ANO3: variants seen among roughly 807,000 people sequenced by gnomAD.
ANO3 encodes the protein anoctamin-3.
A neutral mutation model predicts 144.8 loss-of-function variants in ANO3; 99 were observed. The ratio of observed to expected loss-of-function variants is 0.68; its 90% confidence interval spans 0.58 to 0.81. The LOEUF is 0.81. Among genes scored for constraint, ANO3 ranks in the 30% least tolerant of loss-of-function variants. The pLI, the probability that ANO3 is intolerant of heterozygous loss-of-function variation, is 0.00. For synonymous variants in ANO3, 414 were observed against 392.6 expected (o/e 1.05, Z -0.64); for missense variants, 905 against 1,202.2 (o/e 0.75, Z 3.66).
At chr11:26,296,789 A>G (rs1303785382) in intron 1 of ANO3, among the ~76,000 whole-genome samples, 2 of 152,216 alleles carry the variant, frequency 1.3e-5, no homozygotes, top group African/African-American at 4.8e-5. Flanking sequence ...TTTTCTTAAT[A>G]TATCAGCGAA....
chr11:26,568,044 C>G (rs571666381), intron 14 of ANO3, among the ~76,000 whole-genome samples: 10 of 152,108 alleles, frequency 6.6e-5, no homozygotes, highest in Non-Finnish European at 1.0e-4. Context: ...TACTCTATTT[C>G]TCAACCTGAT....
At position 26,662,305 on chromosome 11, in the gene ANO3, T is replaced by G. The variant is rs1022048393; in HGVS notation, c.*1861T>G. On this transcript the variant is annotated 3_prime_UTR_variant, in exon 27 of 27. Transcript: ENST00000256737. The stretch of plus-strand genomic sequence containing the variant: ...CTCTTCCATTCAGATTCCAGAGAGG[T>G]TCTCATGCTCCCCCCCCTCCTTATT... 19 of 131,600 alleles carry G rather than the reference T, an allele frequency of 1.4e-4. No individual in the cohort carries two copies. Among genetic ancestry groups the G allele is most frequent in the Non-Finnish European group, 2.3e-4 (13 of 57,088 alleles). 8.2% of individuals were successfully genotyped at this position (131,600 alleles called of 1,614,324 possible).
intron 1 of ANO3, among the ~76,000 whole-genome samples, chr11:26,310,850 C>T (rs181640311): frequency 7.9e-5 from 12 of 152,264 alleles, no homozygotes; most frequent in South Asian, 2.1e-4. Context: ...ATTTCGGAGA[C>T]GGTAACTGAA....
chr11:26,566,006 A>G (rs947937812), intron 14 of ANO3: 3 of 1,119,466 alleles, frequency 2.7e-6, no homozygotes, highest in Admixed American at 3.4e-5. Flanking sequence ...TAGAGATGGT[A>G]ATATCATATT....
chr11:26,437,189 T>C (rs953757229), intron 1 of ANO3, among the ~76,000 whole-genome samples: 2 of 151,998 alleles, frequency 1.3e-5, no homozygotes, highest in Non-Finnish European at 2.9e-5. Context: ...TTCCTAGGGG[T>C]ATGTACAAGG....
At chr11:26,264,777 C>A (rs1034523238) in intron 1 of ANO3, among the ~76,000 whole-genome samples, 1 of 151,980 alleles carries the variant, frequency 6.6e-6, no homozygotes, top group Non-Finnish European at 1.5e-5. Context: ...GGGTCTGTAT[C>A]CTAATTTTCA....
intron 1 of ANO3, among the ~76,000 whole-genome samples, chr11:26,389,003 A>G (rs1160310217): frequency 6.6e-6 from 1 of 152,180 alleles, no homozygotes; most frequent in Non-Finnish European, 1.5e-5. Flanking sequence ...CAAATACTCA[A>G]GGCAAACCTA....
intron 1 of ANO3, among the ~76,000 whole-genome samples, chr11:26,318,887 GT>G (rs1173819498): frequency 1.3e-5 from 2 of 152,078 alleles, no homozygotes; most frequent in Non-Finnish European, 2.9e-5. Flanking sequence ...GTTTAGTTTT[GT>G]TTTACCCATA....
chr11:26,356,722 T>C (rs183604620), intron 1 of ANO3, among the ~76,000 whole-genome samples: 65 of 152,316 alleles, frequency 4.3e-4, no homozygotes, highest in African/African-American at 1.6e-3. Flanking sequence ...TTTCACTTGG[T>C]TAAAGTCAAA....
At position 26,663,166 on chromosome 11, in the gene ANO3, C is replaced by T. The variant is rs1590694990; in HGVS notation, c.*2722C>T. The T allele has an allele frequency of 6.6e-6, 1 of 151,996 alleles. No individual in the cohort carries two copies. Among genetic ancestry groups the T allele is most frequent in the East Asian group, 1.9e-4 (1 of 5,184 alleles). The allele number at this position is 151,996 out of a possible 1,614,324, so 9.4% of individuals were successfully genotyped here. A position where few individuals can be genotyped will look rare whatever the true frequency, so the allele number is the denominator to read the frequency against. On this transcript the variant is annotated 3_prime_UTR_variant, in exon 27 of 27. Coordinates refer to ENST00000256737, the MANE Select transcript of ANO3 (RefSeq NM_031418.4). ...TTTTAGATAAAATGCTGCTGAGTGA[C>T]TGCATGATGAGATACAACTTCTGAA...
chr11:26,461,223 A>C (rs557308864), intron 3 of ANO3, among the ~76,000 whole-genome samples: 1 of 152,218 alleles, frequency 6.6e-6, no homozygotes, highest in East Asian at 1.9e-4. Context: ...ACTGGCAGTC[A>C]ATGGTAGGGT....
intron 1 of ANO3, among the ~76,000 whole-genome samples, chr11:26,394,924 A>G (rs1439856322): frequency 1.3e-5 from 2 of 152,136 alleles, no homozygotes; most frequent in African/African-American, 4.8e-5. Flanking sequence ...AACTTTCTAC[A>G]TGGTTGTTGA....
intron 14 of ANO3, among the ~76,000 whole-genome samples, chr11:26,568,087 T>A (rs1455826604): frequency 3.3e-5 from 5 of 152,028 alleles, no homozygotes; most frequent in Non-Finnish European, 5.9e-5. Flanking sequence ...TTTGTGATCA[T>A]TCTGCTTATT....
intron 4 of ANO3, among the ~76,000 whole-genome samples, chr11:26,487,906 G>T (rs1034888147): frequency 6.6e-6 from 1 of 152,208 alleles, no homozygotes; most frequent in Non-Finnish European, 1.5e-5. Flanking sequence ...AGTAGCTCAC[G>T]CCTGTAATCC....
chr11:26,246,035 T>C (rs2133815244), intron 1 of ANO3, among the ~76,000 whole-genome samples: 1 of 152,216 alleles, frequency 6.6e-6, no homozygotes, highest in East Asian at 1.9e-4. Context: ...TTTGGGTAGA[T>C]AAGGGAAATT....
intron 14 of ANO3, chr11:26,565,052 C>G: frequency 2.9e-6 from 3 of 1,047,314 alleles, no homozygotes; most frequent in Non-Finnish European, 4.0e-6. Context: ...AAAATCCATG[C>G]TATTGTGTTC....
intron 1 of ANO3, among the ~76,000 whole-genome samples, chr11:26,343,064 T>C (rs1300648501): frequency 6.6e-6 from 1 of 152,172 alleles, no homozygotes; most frequent in Non-Finnish European, 1.5e-5. Context: ...ACCATGTTGA[T>C]ATTAGATTTT....
Position 26,563,395 on chromosome 11 carries a change from C to CTCTCTGTGTGTG in ANO3, c.1447+3617_1447+3618insCTCTGTGTGTGT, listed in dbSNP as rs371195680. The CTCTCTGTGTGTG allele has an allele frequency of 3.5e-5, 19 of 540,002 alleles. No individual in the cohort carries two copies. In the African/African-American group the frequency reaches 3.6e-4, roughly 10 times the overall value. The allele number at this position is 540,002 out of a possible 1,614,324, so 33.5% of individuals were successfully genotyped here. A position where few individuals can be genotyped will look rare whatever the true frequency, so the allele number is the denominator to read the frequency against. ...ATTAGATAATGGTGTGTTTCTCTCT[C>CTCTCTGTGTGTG]TGTGTGTGTGTGTGTGTGTGTGTGT... On this transcript the variant is annotated intron_variant, in intron 14 of 26. Coordinates refer to ENST00000256737, the MANE Select transcript of ANO3 (RefSeq NM_031418.4).
chr11:26,281,416 G>C (rs1346833417), intron 1 of ANO3, among the ~76,000 whole-genome samples: 5 of 152,070 alleles, frequency 3.3e-5, no homozygotes, highest in African/African-American at 4.8e-5. Flanking sequence ...TAATGAGATA[G>C]GCCTAGAGGG....
Sources: allele counts gnomAD v4.1 joint callset (sites outside exome capture counted in the v4.1 genomes callset), GRCh38; gene constraint gnomAD v4.1.1; transcripts MANE v1.5; gene names NCBI Gene and HGNC (gene_info 2026-07-23, HGNC 2026-07-21).